Variants in CCDC32 observed in about 807,000 individuals in gnomAD.
CCDC32 encodes the protein coiled-coil domain-containing protein 32.
Under a neutral mutation model 20.1 loss-of-function variants are expected in CCDC32, and 9 were observed. That is an observed-to-expected ratio of 0.45 (90% CI 0.27 to 0.78). The LOEUF (loss-of-function observed/expected upper bound fraction) is 0.78, where lower values mean the gene tolerates loss of function less well. Ranked by LOEUF, CCDC32 falls within the 30% of genes least tolerant of loss-of-function variation. CCDC32 has a pLI of 0.16. For synonymous variants in CCDC32, 63 were observed against 79.0 expected (o/e 0.80, Z 1.07); for missense variants, 204 against 215.5 (o/e 0.95, Z 0.33).
chr15:40,523,491 C>T, the CCDC32 span, among the ~76,000 whole-genome samples: 17 of 131,260 alleles, frequency 1.3e-4, no homozygotes, highest in East Asian at 2.1e-4. Context: ...GCAACAAGAG[C>T]GAAACTCCAT....
chr15:40,553,040 T>C (rs1290967513), downstream of CCDC32: 8 of 896,848 alleles, frequency 8.9e-6, no homozygotes, highest in Non-Finnish European at 1.1e-5. Context: ...CTTTACCTCC[T>C]GCTGCCTGGG....
chr15:40,536,753 C>T (rs1437997613), downstream of CCDC32: 1 of 152,286 alleles, frequency 6.6e-6, no homozygotes, highest in African/African-American at 2.4e-5. Context: ...CAGAGCCAAG[C>T]TCTGGAGGTT....
At chr15:40,539,275 C>T (rs1413491698) in exon 4 of CCDC32, 5 of 1,535,520 alleles carry the variant, frequency 3.3e-6, no homozygotes, top group Non-Finnish European at 8.7e-7. Context: ...CCTTCGCCAC[C>T]TCTGCTCAGC....
downstream of CCDC32, among the ~76,000 whole-genome samples, chr15:40,548,552 GTC>G (rs1889714278): frequency 6.6e-6 from 1 of 152,150 alleles, no homozygotes; most frequent in Non-Finnish European, 1.5e-5. Flanking sequence ...GGGACAGCTT[GTC>G]TCTGTACCAC....
intron 2 of CCDC32, chr15:40,557,679 C>T (rs566193668): frequency 9.1e-6 from 2 of 220,398 alleles, no homozygotes; most frequent in South Asian, 9.3e-5. Flanking sequence ...GCAGGTATCT[C>T]TCTAAGGAAT....
chr15:40,532,051 C>G (rs1888897374), downstream of CCDC32: 4 of 423,214 alleles, frequency 9.5e-6, no homozygotes, highest in East Asian at 1.5e-4. Context: ...CTAATGTCCA[C>G]GAAGATGCCA....
At chr15:40,564,884 G>GA in intron 1 of CCDC32, 92 bp downstream of exon 1, 1 of 1,455,510 alleles carries the variant, frequency 6.9e-7, no homozygotes, top group Non-Finnish European at 9.6e-7. Context: ...TGGACGGGAT[G>GA]AATCAGGTCC....
downstream of CCDC32, chr15:40,532,166 T>G (rs949980838): frequency 1.7e-6 from 1 of 576,084 alleles, no homozygotes; most frequent in African/African-American, 1.9e-5. Context: ...GACCATGTGT[T>G]TCTTCATTAT....
downstream of CCDC32, chr15:40,534,753 A>T: frequency 1.6e-6 from 1 of 625,572 alleles, no homozygotes; most frequent in African/African-American, 1.8e-5. Flanking sequence ...AATCCCATTG[A>T]TAAAGGGTCC....
At chr15:40,548,683 C>T (rs1889719514), downstream of CCDC32, among the ~76,000 whole-genome samples, 1 of 152,086 alleles carries the variant, frequency 6.6e-6, no homozygotes, top group African/African-American at 2.4e-5. Context: ...GGCTTCTCTA[C>T]CTCTCTGTGG....
At chr15:40,563,129 G>A (rs1449736656) in intron 1 of CCDC32, 102 bp from the exon 2 acceptor site, 13 of 1,360,564 alleles carry the variant, frequency 9.6e-6, no homozygotes, top group Middle Eastern at 2.2e-4. Context: ...TTGGGAAGCC[G>A]AGGCAGTCAG....
downstream of CCDC32, among the ~76,000 whole-genome samples, chr15:40,530,899 A>T (rs191249404): frequency 1.5e-3 from 222 of 151,458 alleles, 2 homozygotes; most frequent in African/African-American, 5.1e-3. Flanking sequence ...TTGTAGAAAC[A>T]GGGTTTTGCC....
At chr15:40,550,089 G>A (rs1345893053), downstream of CCDC32, among the ~76,000 whole-genome samples, 4 of 152,220 alleles carry the variant, frequency 2.6e-5, no homozygotes, top group Non-Finnish European at 5.9e-5. Flanking sequence ...CAGGCGCTGA[G>A]TGATGAGCAC....
In CCDC32 at chr15:40,553,216, G is replaced by A. The variant is rs1160102819; in HGVS notation, c.*755C>T. The stretch of plus-strand genomic sequence containing the variant: ...CAAGGAAGATGTTTGGAACTATCCA[G>A]GAGTAGTGTCAAACACTAACACCAT... On this transcript the variant is annotated 3_prime_UTR_variant, in exon 4 of 4. Transcript: ENST00000416810. 7 of 985,306 alleles carry A rather than the reference G, an allele frequency of 7.1e-6. No homozygotes were observed. Among genetic ancestry groups the A allele is most frequent in the Non-Finnish European group, 8.4e-6 (7 of 829,946 alleles). The allele number at this position is 985,306 out of a possible 1,614,324, so 61.0% of individuals were successfully genotyped here. A position where few individuals can be genotyped will look rare whatever the true frequency, so the allele number is the denominator to read the frequency against.
chr15:40,526,416 C>G (rs187777355), downstream of CCDC32, among the ~76,000 whole-genome samples: 183 of 152,260 alleles, frequency 1.2e-3, no homozygotes, highest in Non-Finnish European at 1.1e-3. Flanking sequence ...ATAATGATCT[C>G]CATCATTATT....
At chr15:40,559,768 T>C (rs536209386) in intron 2 of CCDC32, among the ~76,000 whole-genome samples, 1 of 152,342 alleles carries the variant, frequency 6.6e-6, no homozygotes, top group Non-Finnish European at 1.5e-5. Context: ...TTGCCTTTCC[T>C]TCCTCAAAAA....
downstream of CCDC32, chr15:40,553,098 A>G: frequency 4.1e-6 from 4 of 984,326 alleles, no homozygotes; most frequent in South Asian, 1.9e-4. Flanking sequence ...AGACACTGCT[A>G]TTCCGTTGAG....
chr15:40,539,244 C>T (rs191516173), exon 4 of CCDC32: 35 of 1,535,482 alleles, frequency 2.3e-5, no homozygotes, highest in Admixed American at 7.8e-5. Flanking sequence ...GTTACCATGA[C>T]GACTGCTGGG....
intron 2 of CCDC32, among the ~76,000 whole-genome samples, chr15:40,560,229 C>T (rs773436146): frequency 6.6e-6 from 1 of 152,108 alleles, no homozygotes; most frequent in African/African-American, 2.4e-5. Flanking sequence ...AGGATGGTCT[C>T]GATCTCTTGA....
Sources: allele counts gnomAD v4.1 joint callset (sites outside exome capture counted in the v4.1 genomes callset), GRCh38; gene constraint gnomAD v4.1.1; transcripts MANE v1.5; gene names NCBI Gene and HGNC (gene_info 2026-07-23, HGNC 2026-07-21).